The following NRG1 variants were observed in gnomAD, a reference collection of about 807,000 sequenced individuals.
NRG1 encodes pro-neuregulin-1, membrane-bound isoform.
Under a neutral mutation model 63.8 loss-of-function variants are expected in NRG1, and 18 were observed. That is an observed-to-expected ratio of 0.28 (90% CI 0.19 to 0.42). The LOEUF (loss-of-function observed/expected upper bound fraction) is 0.42. Among genes scored for constraint, NRG1 ranks in the 10% least tolerant of loss-of-function variants. The pLI, the probability that NRG1 is intolerant of heterozygous loss-of-function variation, is 1.00. For synonymous variants in NRG1, 302 were observed against 301.3 expected (o/e 1.00, Z -0.02); for missense variants, 762 against 814.7 (o/e 0.94, Z 0.79).
intron 1 of NRG1, among the ~76,000 whole-genome samples, chr8:32,504,121 A>G (rs1295638011): frequency 6.6e-6 from 1 of 151,528 alleles, no homozygotes; most frequent in African/African-American, 2.4e-5. Flanking sequence ...CACTTACCCA[A>G]CTCCTGCGAT....
chr8:32,462,401 A>G (rs1822426294), intron 1 of NRG1, among the ~76,000 whole-genome samples: 1 of 152,194 alleles, frequency 6.6e-6, no homozygotes. Context: ...TTCCTAGAAC[A>G]TGATATTTTA....
intron 1 of NRG1, among the ~76,000 whole-genome samples, chr8:32,383,546 G>A (rs1810614965): frequency 6.6e-6 from 1 of 152,180 alleles, no homozygotes; most frequent in African/African-American, 2.4e-5. Flanking sequence ...GTATCTAAAT[G>A]AAGACAGACA....
downstream of NRG1, among the ~76,000 whole-genome samples, chr8:32,772,893 C>T (rs191898859): frequency 4.6e-5 from 7 of 152,268 alleles, 1 homozygote; most frequent in East Asian, 1.9e-4. Context: ...CTTCCAACAA[C>T]GAGATGATTC....
chr8:31,891,112 A>T (rs1237612299), intron 1 of NRG1, among the ~76,000 whole-genome samples: 1 of 152,204 alleles, frequency 6.6e-6, no homozygotes, highest in African/African-American at 2.4e-5. Flanking sequence ...GGTCGACTTG[A>T]TACTGAGATC....
chr8:32,576,922 G>A (rs946505897), intron 1 of NRG1, among the ~76,000 whole-genome samples: 1 of 152,110 alleles, frequency 6.6e-6, no homozygotes, highest in Non-Finnish European at 1.5e-5. Context: ...CCATCACCCA[G>A]ATACTGAGCA....
intron 1 of NRG1, among the ~76,000 whole-genome samples, chr8:31,734,024 A>ATG (rs1814396012): frequency 6.6e-6 from 1 of 152,068 alleles, no homozygotes; most frequent in South Asian, 2.1e-4. Context: ...CATCCCTGCC[A>ATG]TGTGTGTGCC....
intron 1 of NRG1, among the ~76,000 whole-genome samples, chr8:32,223,796 C>T (rs1421509658): frequency 6.6e-6 from 1 of 151,976 alleles, no homozygotes; most frequent in African/African-American, 2.4e-5. Flanking sequence ...GGAAGGGAGG[C>T]CCGTAGCGGA....
At chr8:32,329,497 A>T (rs568607374) in intron 1 of NRG1, among the ~76,000 whole-genome samples, 5 of 152,282 alleles carry the variant, frequency 3.3e-5, no homozygotes, top group Non-Finnish European at 5.9e-5. Flanking sequence ...ACTCAAAATA[A>T]TGTGATGGGG....
intron 1 of NRG1, among the ~76,000 whole-genome samples, chr8:31,942,014 C>G (rs1404478386): frequency 1.3e-5 from 2 of 151,932 alleles, no homozygotes; most frequent in African/African-American, 4.8e-5. Flanking sequence ...ACCATCATCA[C>G]TCTTCACATA....
chr8:32,753,084 T>C (rs1433128794), intron 7 of NRG1, among the ~76,000 whole-genome samples: 1 of 152,220 alleles, frequency 6.6e-6, no homozygotes, highest in Non-Finnish European at 1.5e-5. Context: ...GAAATATGCT[T>C]TGAGGTTCCC....
At chr8:32,703,472 G>T (rs1373213507) in intron 5 of NRG1, among the ~76,000 whole-genome samples, 1 of 145,730 alleles carries the variant, frequency 6.9e-6, no homozygotes, top group African/African-American at 2.5e-5. Context: ...AGGCTGGAGT[G>T]CAGTGAGCCA....
chr8:32,551,018 A>G (rs911445574), intron 1 of NRG1, among the ~76,000 whole-genome samples: 3 of 152,244 alleles, frequency 2.0e-5, no homozygotes, highest in Non-Finnish European at 4.4e-5. Context: ...AACAACTTGA[A>G]ACCAGCTTTA....
chr8:31,855,122 T>G (rs911860705), intron 1 of NRG1, among the ~76,000 whole-genome samples: 1 of 152,066 alleles, frequency 6.6e-6, no homozygotes, highest in Non-Finnish European at 1.5e-5. Flanking sequence ...TAGATGTCTA[T>G]TAGGTCTGCT....
At chr8:31,957,113 G>A (rs947422182) in intron 1 of NRG1, among the ~76,000 whole-genome samples, 3 of 151,858 alleles carry the variant, frequency 2.0e-5, no homozygotes, top group Non-Finnish European at 4.4e-5. Context: ...ATGCCGTAAT[G>A]TTCTCATGTA....
intron 1 of NRG1, among the ~76,000 whole-genome samples, chr8:31,845,174 T>C (rs1304995236): frequency 2.6e-5 from 4 of 152,120 alleles, no homozygotes; most frequent in African/African-American, 9.6e-5. Context: ...ATTCTCCTTT[T>C]AGCCCTTCAT....
At chr8:32,675,430 C>G (rs1314371903) in intron 5 of NRG1, among the ~76,000 whole-genome samples, 1 of 152,224 alleles carries the variant, frequency 6.6e-6, no homozygotes, top group Non-Finnish European at 1.5e-5. Context: ...CTTTGTCAAT[C>G]TGACTTTTCA....
rs1372930563 is a variant in NRG1, at chr8:32,174,097, A to T, written c.38-421731A>T. Among the ~76,000 whole-genome samples the T allele has an allele frequency of 2.6e-5, 4 of 152,054 alleles. No individual in the cohort carries two copies. In the East Asian group the frequency reaches 7.7e-4, roughly 29 times the overall value. On this transcript the variant is annotated intron_variant, in intron 1 of 10. Transcript: ENST00000519301. ...TTGACCACATAGTTGGAAGTAAAGC[A>T]CTCCTCAGCAAATGTAAAAGAACAG...
At chr8:32,673,176 G>A (rs1314380794) in intron 5 of NRG1, among the ~76,000 whole-genome samples, 1 of 152,114 alleles carries the variant, frequency 6.6e-6, no homozygotes, top group East Asian at 1.9e-4. Context: ...AGCAAATACC[G>A]CTGATCTAGT....
At chr8:32,446,121 A>G (rs940543961) in intron 1 of NRG1, among the ~76,000 whole-genome samples, 2 of 152,192 alleles carry the variant, frequency 1.3e-5, no homozygotes, top group Admixed American at 1.3e-4. Context: ...TAACACATAT[A>G]GAGCACTATT....
Sources: allele counts gnomAD v4.1 joint callset (sites outside exome capture counted in the v4.1 genomes callset), GRCh38; gene constraint gnomAD v4.1.1; transcripts MANE v1.5; gene names NCBI Gene and HGNC (gene_info 2026-07-23, HGNC 2026-07-21).